The following RAB3GAP2 variants were observed in gnomAD, a reference collection of about 807,000 sequenced individuals.
RAB3GAP2 encodes rab3 GTPase-activating protein non-catalytic subunit.
Under a neutral mutation model 185.3 loss-of-function variants are expected in RAB3GAP2, and 87 were observed. The ratio of observed to expected loss-of-function variants is 0.47; its 90% CI spans 0.39 to 0.56. The LOEUF is 0.56. RAB3GAP2 is among the 20% of genes least tolerant of loss of function. The pLI, the probability that RAB3GAP2 is intolerant of heterozygous loss-of-function variation, is 0.00. For missense variants in RAB3GAP2, 1,492 were observed against 1,638.2 expected, an observed-to-expected ratio of 0.91 and a Z score of 1.54; for synonymous variants, 554 against 576.1, an observed-to-expected ratio of 0.96 and a Z score of 0.55.
At chr1:220,236,848 T>C (rs1248370828) in intron 1 of RAB3GAP2, among the ~76,000 whole-genome samples, 1 of 152,186 alleles carries the variant, frequency 6.6e-6, no homozygotes, top group Non-Finnish European at 1.5e-5. Context: ...TGGTCAAGAA[T>C]GTAGGTAGCC....
chr1:220,232,308 T>G (rs547217030), intron 2 of RAB3GAP2, among the ~76,000 whole-genome samples: 1 of 152,266 alleles, frequency 6.6e-6, no homozygotes, highest in African/African-American at 2.4e-5. Context: ...TGAGAGGTAA[T>G]TAGGTCATGA....
rs145667920 is a variant in RAB3GAP2 at position 220,272,299 on chromosome 1, G to A, written c.39C>T (p.Asp13=). The change falls in exon 1 of 35, where the codon GAC becomes GAT. Residue 13 remains aspartate, a synonymous_variant. Coordinates refer to ENST00000358951, the MANE Select transcript of RAB3GAP2 (RefSeq NM_012414.4). The stretch of plus-strand genomic sequence containing the variant: ...AGAGGAAGTCCCGGGCGGCCTGGAG[G>A]TCCTGGAAGTAGCAGAACTGGACAA... ...CSIVQFCYFQ[D]LQAARDFLFP... The A allele has an allele frequency of 2.4e-4, 392 of 1,612,502 alleles. 2 individuals carry two copies. In the African/African-American group the frequency reaches 4.9e-3, roughly 20 times the overall value.
chr1:220,194,191 G>T (rs1354104920), intron 12 of RAB3GAP2, among the ~76,000 whole-genome samples: 1 of 151,034 alleles, frequency 6.6e-6, no homozygotes, highest in African/African-American at 2.4e-5. Context: ...AATAAAAAAT[G>T]ATTTTAAAAC....
intron 1 of RAB3GAP2, among the ~76,000 whole-genome samples, chr1:220,245,240 A>G (rs1194191974): frequency 2.0e-5 from 3 of 152,198 alleles, no homozygotes; most frequent in Non-Finnish European, 4.4e-5. Flanking sequence ...TGATTTCTGC[A>G]TTTCCATCTG....
chr1:220,267,819 C>A, intron 1 of RAB3GAP2: 4 of 1,329,796 alleles, frequency 3.0e-6, no homozygotes, highest in Non-Finnish European at 4.3e-6. Flanking sequence ...TGGATTCTGA[C>A]AAGGAAATTG....
At chr1:220,223,900 A>G (rs1190505438) in intron 2 of RAB3GAP2, among the ~76,000 whole-genome samples, 2 of 141,850 alleles carry the variant, frequency 1.4e-5, no homozygotes, top group East Asian at 4.0e-4. Flanking sequence ...CCCCATCTGT[A>G]AAAAAAAAAA....
chr1:220,212,962 C>T lies in RAB3GAP2; in HGVS notation c.311G>A (p.Trp104Ter). ...EQKAVFLVPKWKYSDKGKEEM... is the reference protein window; with the variant it reads ...EQKAVFLVPK ...TTCCTTTCCTTTATCACTATATTTC[C>T]ATTTTGCTGTAAGAATTAAGATATC... The change falls in exon 4 of 35, where the codon TGG becomes TAG. Residue 104 changes from tryptophan to a stop codon, truncating the protein, a stop_gained. Transcript: ENST00000358951. LOFTEE classifies it high-confidence loss of function. The T allele has an allele frequency of 6.2e-7, 1 of 1,608,092 alleles. No homozygotes were observed. Among genetic ancestry groups the T allele is most frequent in the Non-Finnish European group, 8.5e-7 (1 of 1,175,470 alleles).
rs147587414 is a variant in RAB3GAP2 at position 220,184,074 on chromosome 1, A to G, written c.1960T>C (p.Ser654Pro). Residue 654 changes from serine (S) to proline (P), a missense_variant, in exon 19 of 35, where the codon TCC becomes CCC. Coordinates refer to ENST00000358951, the MANE Select transcript of RAB3GAP2 (RefSeq NM_012414.4). ...QLYESVSQLN[S>P]LDFHLDTPFS... ...GGTGTGTCTAAATGAAAATCAAGGG[A>G]ATTTAATTGACTGACAGACTCATAG... 3.6e-5 allele frequency: 58 copies of G among 1,596,442 alleles called. No individual in the cohort carries two copies. In the African/African-American group the frequency reaches 6.3e-4, roughly 17 times the overall value.
At chr1:220,189,670 T>C (rs1240720618) in intron 17 of RAB3GAP2, 33 bp downstream of exon 17, 1 of 1,542,230 alleles carries the variant, frequency 6.5e-7, no homozygotes, top group Non-Finnish European at 8.8e-7. Context: ...TTATAGCTAC[T>C]AGCAGGAAAG....
intron 7 of RAB3GAP2, among the ~76,000 whole-genome samples, chr1:220,208,538 G>T (rs1558156063): frequency 6.6e-6 from 1 of 151,778 alleles, no homozygotes; most frequent in Non-Finnish European, 1.5e-5. Flanking sequence ...TCCTACCATC[G>T]CCTCAAACTC....
intron 2 of RAB3GAP2, among the ~76,000 whole-genome samples, chr1:220,228,033 G>C (rs140875189): frequency 6.6e-6 from 1 of 152,178 alleles, no homozygotes; most frequent in Admixed American, 6.5e-5. Context: ...GATTACAGGC[G>C]TGAGCCACCG....
chr1:220,205,289 CAA>C (rs1250715449), intron 8 of RAB3GAP2, among the ~76,000 whole-genome samples: 2 of 152,124 alleles, frequency 1.3e-5, no homozygotes, highest in Non-Finnish European at 2.9e-5. Flanking sequence ...CCCTAAGTCA[CAA>C]AATGTCATTG....
At chr1:220,176,543 A>G (rs913226277) in intron 21 of RAB3GAP2, among the ~76,000 whole-genome samples, 1 of 152,156 alleles carries the variant, frequency 6.6e-6, no homozygotes, top group Non-Finnish European at 1.5e-5. Flanking sequence ...TGTACACACT[A>G]GTGTTTTGGC....
At chr1:220,186,621 C>T (rs928103128) in intron 17 of RAB3GAP2, among the ~76,000 whole-genome samples, 4 of 152,090 alleles carry the variant, frequency 2.6e-5, no homozygotes, top group Non-Finnish European at 5.9e-5. Flanking sequence ...TGTTTTCTTC[C>T]CCATTATTCA....
At position 220,150,234 on chromosome 1, in the gene RAB3GAP2, T is replaced by C. The variant is rs1402009077; in HGVS notation, c.*1017A>G. 2.0e-5 allele frequency: 3 copies of C among 152,300 alleles called. No homozygotes were observed. The highest frequency in any genetic ancestry group is 7.3e-5 in the African/African-American group (3 of 41,374). 9.4% of individuals were successfully genotyped at this position (152,300 alleles called of 1,614,324 possible). A position where few individuals can be genotyped will look rare whatever the true frequency, so the allele number is the denominator to read the frequency against. On this transcript the variant is annotated 3_prime_UTR_variant, in exon 35 of 35. Transcript: ENST00000358951. ...TTTGGTTTTAATCAGTAAATATTTA[T>C]TTAGCACTTGGACTGCTCTAGGCAC...
Position 220,172,090 on chromosome 1 carries a change from T to C in RAB3GAP2, c.2417-41A>G, listed in dbSNP as rs562665619. The stretch of plus-strand genomic sequence containing the variant: ...AAAACAGAAAAATAAACTCTTACCC[T>C]GTCAATTTTTTGGACTAACCATTTA... On this transcript the variant is annotated intron_variant, in intron 22 of 34. Coordinates refer to ENST00000358951, the MANE Select transcript of RAB3GAP2 (RefSeq NM_012414.4). The C allele has an allele frequency of 2.5e-6, 4 of 1,604,340 alleles. No homozygotes were observed. In the African/African-American group the frequency reaches 4.0e-5, roughly 16 times the overall value.
chr1:220,173,898 T>G (rs1397820777), intron 21 of RAB3GAP2, among the ~76,000 whole-genome samples: 1 of 151,444 alleles, frequency 6.6e-6, no homozygotes, highest in Non-Finnish European at 1.5e-5. Flanking sequence ...CAGGTGCCTA[T>G]AGTCCCAGCT....
At chr1:220,209,931 T>C (rs1659047633) in intron 7 of RAB3GAP2, among the ~76,000 whole-genome samples, 1 of 152,220 alleles carries the variant, frequency 6.6e-6, no homozygotes, top group Non-Finnish European at 1.5e-5. Context: ...TCAATGAATA[T>C]ATGTATTTTC....
intron 24 of RAB3GAP2, among the ~76,000 whole-genome samples, chr1:220,170,450 A>T (rs1658153347): frequency 6.6e-6 from 1 of 152,220 alleles, no homozygotes; most frequent in Admixed American, 6.5e-5. Flanking sequence ...CAATGCAAAA[A>T]AAAAAAGGAT....
Sources: allele counts gnomAD v4.1 joint callset (sites outside exome capture counted in the v4.1 genomes callset), GRCh38; gene constraint gnomAD v4.1.1; transcripts MANE v1.5; gene names NCBI Gene and HGNC (gene_info 2026-07-23, HGNC 2026-07-21).